The following ZNF808 variants were observed in gnomAD, a reference collection of about 807,000 sequenced individuals.
ZNF808 encodes the protein zinc finger protein 808.
In ZNF808, 5 loss-of-function variants were observed where a neutral mutation model predicts 8.7. The observed-to-expected ratio is 0.58, with a 90% confidence interval of 0.30 to 1.21. ZNF808 has a LOEUF of 1.21. ZNF808 is among the 50% of genes most tolerant of loss of function. The pLI is 0.07. For missense variants in ZNF808, 1,103 were observed against 1,098.4 expected (o/e 1.00, Z -0.06); for synonymous variants, 380 against 366.0 (o/e 1.04, Z -0.44).
At chr19:52,530,458 TCAAGACCAGCCTGGCTGACACA>T (rs1326552171) in intron 1 of ZNF808, among the ~76,000 whole-genome samples, 1 of 150,894 alleles carries the variant, frequency 6.6e-6, no homozygotes, top group Non-Finnish European at 1.5e-5. Context: ...GGTCAGGAGT[TCAAGACCAGCCTGGCTGACACA>T]GTGAAACTCA....
intron 3 of ZNF808, among the ~76,000 whole-genome samples, chr19:52,561,996 A>G (rs2123228231): frequency 6.6e-6 from 1 of 152,220 alleles, no homozygotes; most frequent in African/African-American, 2.4e-5. Context: ...TGTCTCCCTC[A>G]TTTCACTGTC....
intron 4 of ZNF808, among the ~76,000 whole-genome samples, chr19:52,548,732 G>GT (rs1465358806): frequency 6.6e-6 from 1 of 152,160 alleles, no homozygotes; most frequent in African/African-American, 2.4e-5. Context: ...GCCCATCCGA[G>GT]TTGTTTTTAA....
At chr19:52,537,627 G>T (rs963404118) in intron 2 of ZNF808, among the ~76,000 whole-genome samples, 2 of 151,688 alleles carry the variant, frequency 1.3e-5, no homozygotes, top group Non-Finnish European at 2.9e-5. Flanking sequence ...GCTCCAGGCT[G>T]CTGTGAGCAG....
chr19:52,542,106 T>G (rs1392533919), intron 2 of ZNF808, among the ~76,000 whole-genome samples: 2 of 152,134 alleles, frequency 1.3e-5, no homozygotes, highest in Non-Finnish European at 2.9e-5. Context: ...AATTTTTTTT[T>G]TTTTGAGACG....
downstream of ZNF808, chr19:52,556,872 G>A (rs2059839337): frequency 6.6e-6 from 1 of 152,292 alleles, no homozygotes; most frequent in South Asian, 2.1e-4. Context: ...TTTATTGCGT[G>A]TTTCTCTCAA....
At chr19:52,566,970 T>TTTG (rs2059874408), downstream of ZNF808, among the ~76,000 whole-genome samples, 1 of 151,396 alleles carries the variant, frequency 6.6e-6, no homozygotes, top group Non-Finnish European at 1.5e-5. Flanking sequence ...TTTTTTTTTT[T>TTTG]GATGGAGCTT....
Position 52,554,992 on chromosome 19 carries a change from C to T in ZNF808, c.2076C>T (p.Ser692=), listed in dbSNP as rs765598868. The part of the protein sequence containing the change: ...KVCDKAFVCR[S]YVAKHTRIHS... ...GTGACAAGGCTTTCGTGTGTCGTTC[C>T]TATGTGGCAAAACATACTAGAATTC... is the stretch of plus-strand genomic sequence containing the variant. The change falls in exon 5 of 5, where the codon TCC becomes TCT. Residue 692 remains serine, a synonymous_variant. Transcript: ENST00000359798. 1.2e-6 allele frequency: 2 copies of T among 1,609,246 alleles called. No homozygotes were observed. The highest frequency in any genetic ancestry group is 1.7e-6 in the Non-Finnish European group (2 of 1,178,508).
At position 52,545,004 on chromosome 19, in the gene ZNF808, G is replaced by A. The variant is rs143606251; in HGVS notation, c.63+1657G>A. On this transcript the variant is annotated intron_variant, in intron 3 of 4. Coordinates refer to ENST00000359798, the MANE Select transcript of ZNF808 (RefSeq NM_001039886.4). ...TTTCACCGTATTGGTCAGGCTGGTC[G>A]AACTACTGACCTTGTGATTTGTTCA... is the stretch of plus-strand genomic sequence containing the variant. Among the ~76,000 whole-genome samples, 643 of 152,164 alleles carry A rather than the reference G, an allele frequency of 4.2e-3. 2 individuals are homozygous for A. Among genetic ancestry groups the A allele is most frequent in the African/African-American group, 0.014 (566 of 41,534 alleles).
At chr19:52,545,333 C>T (rs186349026) in intron 3 of ZNF808, among the ~76,000 whole-genome samples, 152 of 152,218 alleles carry the variant, frequency 1.0e-3, no homozygotes, top group African/African-American at 3.2e-3. Flanking sequence ...ACGTGGGTAA[C>T]GCCATGATGT....
Position 52,543,330 on chromosome 19 carries a change from G to A in ZNF808, c.46G>A (p.Gly16Ser). ...TCAGAAGAGGAAAGGAAAGGAGTCA[G>A]GCATGGCTCTTCCTCAGGTGAAGTG... ...AAQKRKGKES[G>S]MALPQGRLTF... Residue 16 changes from glycine to serine, a missense_variant, in exon 3 of 5, where the codon GGC becomes AGC. Gly to Ser is a moderately conservative substitution (Grantham distance 56). Coordinates refer to ENST00000359798, the MANE Select transcript of ZNF808 (RefSeq NM_001039886.4). 6.2e-7 allele frequency: 1 copy of A among 1,613,428 alleles called. No homozygotes were observed. Among genetic ancestry groups the A allele is most frequent in the South Asian group, 1.1e-5 (1 of 91,074 alleles).
chr19:52,551,664 T>C (rs2059777734), intron 4 of ZNF808, among the ~76,000 whole-genome samples: 1 of 152,180 alleles, frequency 6.6e-6, no homozygotes, highest in African/African-American at 2.4e-5. Flanking sequence ...ATATGGCTTT[T>C]CGGTATGTGG....
At chr19:52,558,213 G>C (rs1160595926), downstream of ZNF808, among the ~76,000 whole-genome samples, 1 of 150,734 alleles carries the variant, frequency 6.6e-6, no homozygotes, top group Admixed American at 6.6e-5. Context: ...AGCCTCCGGA[G>C]TAGCTGGGAC....
chr19:52,564,623 C>G (rs1487264525), downstream of ZNF808, among the ~76,000 whole-genome samples: 1 of 151,790 alleles, frequency 6.6e-6, no homozygotes. Flanking sequence ...TCATGAAAGA[C>G]CCTTGGACTT....
chr19:52,551,238 G>A lies in ZNF808; in HGVS notation c.191-1869G>A, dbSNP rs538794688. Among the ~76,000 whole-genome samples, 3 of 152,102 alleles carry A rather than the reference G, an allele frequency of 2.0e-5. No homozygotes were observed. In the South Asian group the frequency reaches 6.2e-4, roughly 32 times the overall value. ...GTTTTGGTATGCACCTGTTATCCCAGCTTCTTGTGAGGCTGAGACAGGAGA... is the reference window on the plus strand; with the variant it reads ...GTTTTGGTATGCACCTGTTATCCCAACTTCTTGTGAGGCTGAGACAGGAGA... On this transcript the variant is annotated intron_variant, in intron 4 of 4. Coordinates refer to ENST00000359798, the MANE Select transcript of ZNF808 (RefSeq NM_001039886.4).
In ZNF808 at chr19:52,541,310, ATAT is replaced by A. The variant is rs534129946; in HGVS notation, c.-19-1951_-19-1949del. On this transcript the variant is annotated intron_variant, in intron 2 of 4. Transcript: ENST00000359798. ...TTTCATGGTGTGACATAGAGATCCA[ATAT>A]TATTCTTTTCCATGTAGATATCTAG... Among the ~76,000 whole-genome samples, 111 of 151,710 alleles carry A rather than the reference ATAT, an allele frequency of 7.3e-4. 1 individual carries two copies. Among genetic ancestry groups the A allele is most frequent in the Non-Finnish European group, 6.8e-4 (46 of 67,922 alleles).
At chr19:52,561,992 C>T (rs1463988879) in intron 3 of ZNF808, among the ~76,000 whole-genome samples, 1 of 152,130 alleles carries the variant, frequency 6.6e-6, no homozygotes, top group African/African-American at 2.4e-5. Flanking sequence ...TTCCTGTCTC[C>T]CTCATTTCAC....
At chr19:52,551,903 T>G (rs2059780635) in intron 4 of ZNF808, among the ~76,000 whole-genome samples, 2 of 152,096 alleles carry the variant, frequency 1.3e-5, no homozygotes, top group Non-Finnish European at 1.5e-5. Flanking sequence ...CTCAGGAGGT[T>G]GAGGAAGGAG....
At chr19:52,551,644 A>T (rs1047534334) in intron 4 of ZNF808, among the ~76,000 whole-genome samples, 1 of 152,102 alleles carries the variant, frequency 6.6e-6, no homozygotes, top group Non-Finnish European at 1.5e-5. Flanking sequence ...AATTAATTTT[A>T]TAATTTTACA....
chr19:52,563,920 C>G (rs769455867), exon 4 of ZNF808: 44 of 278,896 alleles, frequency 1.6e-4, no homozygotes, highest in Non-Finnish European at 2.4e-4. Context: ...TGCTTGAACC[C>G]GGGAGGCGGA....
Sources: gnomAD v4.1 joint callset for allele counts (sites outside exome capture counted in the v4.1 genomes callset) on GRCh38, gnomAD v4.1.1 for gene constraint, MANE v1.5 for transcripts, NCBI Gene and HGNC (gene_info 2026-07-23, HGNC 2026-07-21) for gene names.